The following AKAP10 variants were observed in gnomAD, a reference collection of about 807,000 sequenced individuals.
The protein encoded by AKAP10 is A-kinase anchor protein 10, mitochondrial.
A neutral mutation model predicts 80.8 loss-of-function variants in AKAP10; 24 were observed. That is an observed-to-expected ratio of 0.30 (90% confidence interval 0.22 to 0.42). AKAP10 has a LOEUF of 0.42. AKAP10 is among the 10% of genes least tolerant of loss of function. The pLI is 1.00. For missense variants in AKAP10, 661 were observed against 794.9 expected (o/e 0.83, Z 2.03); for synonymous variants, 291 against 277.7 (o/e 1.05, Z -0.48).
chr17:19,918,154 A>G (rs966165138), intron 12 of AKAP10, among the ~76,000 whole-genome samples: 1 of 147,740 alleles, frequency 6.8e-6, no homozygotes, highest in African/African-American at 2.5e-5. Context: ...CAGGAGGCAG[A>G]GGTTGCAGTG....
chr17:19,938,801 A>G (rs1439979286), intron 8 of AKAP10, among the ~76,000 whole-genome samples: 3 of 150,914 alleles, frequency 2.0e-5, no homozygotes, highest in African/African-American at 7.3e-5. Context: ...AGTGGATCAC[A>G]GCTCACTGCA....
At chr17:19,954,143 T>C (rs2043245975) in intron 4 of AKAP10, among the ~76,000 whole-genome samples, 1 of 151,982 alleles carries the variant, frequency 6.6e-6, no homozygotes, top group African/African-American at 2.4e-5. Flanking sequence ...AAAATGGAAA[T>C]AAGAGTAAAA....
chr17:19,959,538 G>C (rs2043324090), intron 3 of AKAP10, among the ~76,000 whole-genome samples: 2 of 152,166 alleles, frequency 1.3e-5, no homozygotes, highest in Non-Finnish European at 2.9e-5. Flanking sequence ...TTCATTCATA[G>C]TAGGTTAAAG....
chr17:19,972,432 T>C (rs530819159), intron 1 of AKAP10, among the ~76,000 whole-genome samples: 3 of 152,194 alleles, frequency 2.0e-5, no homozygotes, highest in African/African-American at 4.8e-5. Context: ...CTTTATTGTA[T>C]GAAAGTTTTA....
In AKAP10 at chr17:19,919,234, T is replaced by C. The variant is rs180856760; in HGVS notation, c.1834+802A>G. ...GAATGATGGTTTCCAGCTTCATCCA[T>C]GTCCCTACAAAGGACATGAACTCAT... is the stretch of plus-strand genomic sequence containing the variant. On this transcript the variant is annotated intron_variant, in intron 12 of 14. Transcript: ENST00000225737. Among the ~76,000 whole-genome samples, 718 of 152,288 alleles carry C rather than the reference T, an allele frequency of 4.7e-3. 6 individuals are homozygous for C. The highest frequency in any genetic ancestry group is 0.026 in the South Asian group (124 of 4,820).
intron 4 of AKAP10, among the ~76,000 whole-genome samples, chr17:19,956,459 T>C (rs2043276678): frequency 6.6e-6 from 1 of 152,022 alleles, no homozygotes; most frequent in Admixed American, 6.6e-5. Flanking sequence ...ATACATTTAA[T>C]AAAACTAAAT....
chr17:19,932,791 ATTGT>A (rs1212840344), intron 9 of AKAP10, among the ~76,000 whole-genome samples: 3 of 151,710 alleles, frequency 2.0e-5, no homozygotes, highest in East Asian at 1.9e-4. Flanking sequence ...CTGTTTCCAC[ATTGT>A]TTTTTTTTCA....
chr17:19,933,909 CTTTTA>C (rs2042965457), intron 9 of AKAP10, among the ~76,000 whole-genome samples: 1 of 152,034 alleles, frequency 6.6e-6, no homozygotes, highest in African/African-American at 2.4e-5. Context: ...CAATACTTTA[CTTTTA>C]TTTATTTATT....
chr17:19,925,226 G>A (rs560342744), intron 10 of AKAP10, among the ~76,000 whole-genome samples: 8 of 152,168 alleles, frequency 5.3e-5, no homozygotes, highest in Admixed American at 5.2e-4. Flanking sequence ...CATTCTTAAC[G>A]ACCTAAGTTC....
intron 2 of AKAP10, among the ~76,000 whole-genome samples, 172 bp from the exon 3 acceptor site, chr17:19,963,194 A>G (rs2043374506): frequency 6.6e-6 from 1 of 151,008 alleles, no homozygotes; most frequent in Non-Finnish European, 1.5e-5. Flanking sequence ...GTGGTGGAAA[A>G]TAGGAAAGAA....
intron 3 of AKAP10, among the ~76,000 whole-genome samples, chr17:19,959,620 A>G (rs1302382812): frequency 6.6e-6 from 1 of 152,214 alleles, no homozygotes. Flanking sequence ...ATATTTAACT[A>G]AATTTAAATT....
Position 19,958,216 on chromosome 17 carries a change from C to A in AKAP10, c.675G>T (p.Leu225=). 6.2e-7 allele frequency: 1 copy of A among 1,614,154 alleles called. No individual in the cohort carries two copies. The highest frequency in any genetic ancestry group is 1.1e-5 in the South Asian group (1 of 91,074). ...TCTGAGTGCTGTTAGTTCTATTATT[C>A]AGGTCAATTCCTTCTGAATGAGTCA... is the stretch of plus-strand genomic sequence containing the variant. ...LFMTHSEGID[L]NNRTNSTQNH... The change falls in exon 4 of 15, where the codon CTG becomes CTT. Residue 225 remains leucine, a synonymous_variant. Transcript: ENST00000225737.
chr17:19,940,830 T>C (rs977801831), intron 7 of AKAP10, 57 bp downstream of exon 7: 3 of 1,516,706 alleles, frequency 2.0e-6, no homozygotes, highest in Non-Finnish European at 2.6e-6. Context: ...GGCCCCAGCA[T>C]TGATAGTTAG....
In AKAP10 at chr17:19,936,370, A is replaced by C; in HGVS notation, c.1383T>G (p.Ile461Met). The C allele has an allele frequency of 6.2e-7, 1 of 1,613,800 alleles. No individual in the cohort carries two copies. ...CACCTTCCCTGCAGATATTGGATTC[A>C]ATTTCTAATCGTACAACATCATCAA... ...LGFDDVVRLE[I>M]ESNICREGGP... The change falls in exon 9 of 15, where the codon ATT becomes ATG. Residue 461 changes from isoleucine (I) to methionine (M), a missense_variant. Ile to Met is a conservative substitution (Grantham distance 10). Coordinates refer to ENST00000225737, the MANE Select transcript of AKAP10 (RefSeq NM_007202.4).
intron 12 of AKAP10, among the ~76,000 whole-genome samples, chr17:19,914,227 C>T (rs1360611235): frequency 6.6e-6 from 1 of 152,120 alleles, no homozygotes; most frequent in East Asian, 1.9e-4. Flanking sequence ...TCTTGAAGTC[C>T]TGGGCTCAAC....
chr17:19,951,619 A>G (rs939966934), intron 4 of AKAP10, among the ~76,000 whole-genome samples: 2 of 152,054 alleles, frequency 1.3e-5, no homozygotes, highest in African/African-American at 4.8e-5. Context: ...TCTCTGAAAC[A>G]TGTGCTATTA....
At chr17:19,957,307 C>T (rs2043288654) in intron 4 of AKAP10, among the ~76,000 whole-genome samples, 2 of 151,840 alleles carry the variant, frequency 1.3e-5, no homozygotes, top group South Asian at 2.1e-4. Context: ...TTTGGGAGGC[C>T]GAGGCAGGCG....
At chr17:19,942,270 GA>G (rs2043058253) in intron 5 of AKAP10, among the ~76,000 whole-genome samples, 1 of 151,922 alleles carries the variant, frequency 6.6e-6, no homozygotes, top group Non-Finnish European at 1.5e-5. Context: ...TGTTCCAAAA[GA>G]AAAATGAGCA....
chr17:19,932,866 T>C (rs1483209289), intron 9 of AKAP10, among the ~76,000 whole-genome samples: 2 of 152,180 alleles, frequency 1.3e-5, no homozygotes, highest in Admixed American at 1.3e-4. Flanking sequence ...TTAATAATTA[T>C]TAATTATACT....
Sources: gnomAD v4.1 joint callset for allele counts (sites outside exome capture counted in the v4.1 genomes callset) on GRCh38, gnomAD v4.1.1 for gene constraint, MANE v1.5 for transcripts, NCBI Gene and HGNC (gene_info 2026-07-23, HGNC 2026-07-21) for gene names.